SNX9: variants seen among roughly 807,000 people sequenced by gnomAD.
SNX9 encodes sorting nexin 9.
In SNX9, 44 loss-of-function variants were observed where a neutral mutation model predicts 89.4. That is an observed-to-expected ratio of 0.49 (90% CI 0.39 to 0.63). SNX9 has a LOEUF of 0.63. Among genes scored for constraint, SNX9 ranks in the 30% least tolerant of loss-of-function variants. The pLI, the probability that SNX9 is intolerant of heterozygous loss-of-function variation, is 0.00. For missense variants in SNX9, 578 were observed against 736.1 expected (o/e 0.79, Z 2.49); for synonymous variants, 236 against 247.8 (o/e 0.95, Z 0.45).
intron 1 of SNX9, among the ~76,000 whole-genome samples, chr6:157,852,939 T>A (rs1781942334): frequency 6.6e-6 from 1 of 152,196 alleles, no homozygotes; most frequent in Non-Finnish European, 1.5e-5. Flanking sequence ...TTGTTATTGT[T>A]TTAAAAGTCA....
chr6:157,824,132 C>T (rs1781296729), intron 1 of SNX9, among the ~76,000 whole-genome samples: 1 of 152,258 alleles, frequency 6.6e-6, no homozygotes, highest in African/African-American at 2.4e-5. Flanking sequence ...GGCCCAGGCC[C>T]GAATTACGTG....
intron 1 of SNX9, among the ~76,000 whole-genome samples, chr6:157,844,057 TAG>T (rs1424888908): frequency 6.6e-6 from 1 of 151,858 alleles, no homozygotes; most frequent in East Asian, 1.9e-4. Context: ...GTATTTTTAG[TAG>T]AGACAGGGTT....
At chr6:157,929,403 A>G (rs765908742) in intron 12 of SNX9, among the ~76,000 whole-genome samples, 1 of 152,206 alleles carries the variant, frequency 6.6e-6, no homozygotes. Context: ...GTGACTTGTC[A>G]GGCCCTGAAA....
chr6:157,926,357 G>A (rs187074762), intron 10 of SNX9, among the ~76,000 whole-genome samples: 89 of 152,092 alleles, frequency 5.9e-4, no homozygotes, highest in African/African-American at 2.0e-3. Context: ...TTTGATTTGG[G>A]TACTCTGTGT....
At chr6:157,855,225 C>G (rs949549101) in intron 1 of SNX9, among the ~76,000 whole-genome samples, 3 of 152,122 alleles carry the variant, frequency 2.0e-5, no homozygotes, top group Non-Finnish European at 4.4e-5. Flanking sequence ...GAAAAGTAAG[C>G]AAATCTTGTT....
intron 5 of SNX9, among the ~76,000 whole-genome samples, chr6:157,900,297 ATTTTTTAATTGAGC>A (rs1783068865): frequency 6.6e-6 from 1 of 151,942 alleles, no homozygotes. Flanking sequence ...TCCTTTGTCC[ATTTTTTAATTGAGC>A]TTTTTTTATT....
intron 4 of SNX9, among the ~76,000 whole-genome samples, chr6:157,879,717 C>G (rs1373725002): frequency 1.3e-5 from 2 of 152,216 alleles, no homozygotes; most frequent in African/African-American, 4.8e-5. Context: ...AAAATCTCTA[C>G]TCCTGTGTGT....
chr6:157,844,493 C>T (rs1261698573), intron 1 of SNX9, among the ~76,000 whole-genome samples: 2 of 151,378 alleles, frequency 1.3e-5, no homozygotes, highest in Non-Finnish European at 2.9e-5. Context: ...ATCTCAAGCA[C>T]TGATCTTAGG....
intron 1 of SNX9, among the ~76,000 whole-genome samples, chr6:157,840,949 C>CA (rs1781691739): frequency 6.6e-6 from 1 of 152,164 alleles, no homozygotes; most frequent in Admixed American, 6.5e-5. Flanking sequence ...AAAGTACTTG[C>CA]AGACTGCTGG....
chr6:157,902,417 A>G (rs551075362), intron 6 of SNX9, among the ~76,000 whole-genome samples: 1 of 152,320 alleles, frequency 6.6e-6, no homozygotes, highest in African/African-American at 2.4e-5. Flanking sequence ...ATCACTTGCC[A>G]TGTGCCAGGC....
At chr6:157,846,506 G>A (rs942723521) in intron 1 of SNX9, among the ~76,000 whole-genome samples, 4 of 152,202 alleles carry the variant, frequency 2.6e-5, no homozygotes, top group East Asian at 3.8e-4. Flanking sequence ...TATTTATGTC[G>A]ATGACCTTAA....
intron 1 of SNX9, among the ~76,000 whole-genome samples, chr6:157,851,654 A>G (rs1246404508): frequency 1.3e-5 from 2 of 152,114 alleles, no homozygotes; most frequent in Non-Finnish European, 2.9e-5. Flanking sequence ...CAGTGGTGCC[A>G]TCTTGGCTCA....
At chr6:157,842,585 A>G (rs1451959099) in intron 1 of SNX9, among the ~76,000 whole-genome samples, 3 of 152,118 alleles carry the variant, frequency 2.0e-5, no homozygotes, top group African/African-American at 7.2e-5. Flanking sequence ...GTTTTTAAAG[A>G]TAATTTGGTG....
chr6:157,882,423 T>G (rs2092562), intron 4 of SNX9, among the ~76,000 whole-genome samples: 44,651 of 152,198 alleles, frequency 0.29, 7,599 homozygotes, highest in African/African-American at 0.47. Flanking sequence ...TCTACAGCCC[T>G]TGGATCGAGG....
Position 157,905,978 on chromosome 6 carries a change from A to C in SNX9, c.621-150A>C, listed in dbSNP as rs1783207163. The stretch of plus-strand genomic sequence containing the variant: ...GCCTAATTGGCCATTGAACAATCTG[A>C]TTACATTAGGTTTCATTTACCACAG... On this transcript the variant is annotated intron_variant, in intron 6 of 17. Coordinates refer to ENST00000392185, the MANE Select transcript of SNX9 (RefSeq NM_016224.5). 5 of 593,938 alleles carry C rather than the reference A, an allele frequency of 8.4e-6. No homozygotes were observed. The South Asian group carries it at 1.0e-4, about 12-fold the overall frequency. 36.8% of individuals were successfully genotyped at this position (593,938 alleles called of 1,614,324 possible). A position where few individuals can be genotyped will look rare whatever the true frequency, so the allele number is the denominator to read the frequency against.
chr6:157,919,199 A>T (rs767047300), intron 9 of SNX9, among the ~76,000 whole-genome samples: 12 of 152,152 alleles, frequency 7.9e-5, no homozygotes, highest in Non-Finnish European at 1.6e-4. Flanking sequence ...TTTTTAGAGG[A>T]TAGTCGTACC....
chr6:157,827,670 A>C (rs1295314074), intron 1 of SNX9, among the ~76,000 whole-genome samples: 1 of 148,618 alleles, frequency 6.7e-6, no homozygotes, highest in African/African-American at 2.5e-5. Context: ...TCTGGAAAAG[A>C]AATGAAGAAT....
At chr6:157,873,220 A>G (rs1442353657) in intron 3 of SNX9, 44 bp downstream of exon 3, 2 of 1,459,610 alleles carry the variant, frequency 1.4e-6, no homozygotes, top group Non-Finnish European at 1.8e-6. Context: ...CATCTTTGCC[A>G]GGCATCTTTT....
chr6:157,841,365 C>T (rs1299681847), intron 1 of SNX9, among the ~76,000 whole-genome samples: 5 of 152,166 alleles, frequency 3.3e-5, no homozygotes, highest in Non-Finnish European at 5.9e-5. Context: ...TTATTACCTA[C>T]AGGCCCTGGG....
Sources: gnomAD v4.1 joint callset for allele counts (sites outside exome capture counted in the v4.1 genomes callset) on GRCh38, gnomAD v4.1.1 for gene constraint, MANE v1.5 for transcripts, NCBI Gene and HGNC (gene_info 2026-07-23, HGNC 2026-07-21) for gene names.